Variants in PALB2 observed in about 807,000 individuals in gnomAD.
PALB2 encodes partner and localizer of BRCA2, also known as mutant partner and localizer of BRCA2.
In PALB2, 82 loss-of-function variants were observed where a neutral mutation model predicts 107.4. The observed-to-expected ratio is 0.76, with a 90% CI of 0.64 to 0.92. PALB2 has a LOEUF of 0.92. PALB2 is among the 40% of genes least tolerant of loss of function. The pLI, the probability that PALB2 is intolerant of heterozygous loss-of-function variation, is 0.00. For synonymous variants in PALB2, 489 were observed against 496.8 expected (o/e 0.98, Z 0.21); for missense variants, 1,374 against 1,379.9 (o/e 1.00, Z 0.07).
intron 12 of PALB2, among the ~76,000 whole-genome samples, 167 bp from the exon 13 acceptor site, chr16:23,603,836 C>T (rs1204792555): frequency 1.3e-5 from 2 of 152,120 alleles, no homozygotes; most frequent in Admixed American, 1.3e-4. Flanking sequence ...TATTGTGTTG[C>T]AGTTTTGGAC....
At chr16:23,607,529 C>T in intron 12 of PALB2, 1 of 347,268 alleles carries the variant, frequency 2.9e-6, no homozygotes, top group South Asian at 2.4e-5. Context: ...CTCCTGGGCT[C>T]AAGCTCTCCT....
chr16:23,609,142 T>C (rs555018587), intron 11 of PALB2, among the ~76,000 whole-genome samples: 2 of 152,286 alleles, frequency 1.3e-5, no homozygotes, highest in African/African-American at 4.8e-5. Flanking sequence ...TTGAATTTAT[T>C]AATGAAAATA....
chr16:23,640,608 A>G (rs754404888), intron 1 of PALB2: 11 of 233,838 alleles, frequency 4.7e-5, no homozygotes, highest in Non-Finnish European at 8.4e-5. Flanking sequence ...AGGTAGATAA[A>G]CATGTCCTGA....
intron 10 of PALB2, 60 bp from the exon 11 acceptor site, chr16:23,614,151 A>G (rs1966638795): frequency 4.9e-6 from 6 of 1,227,500 alleles, no homozygotes; most frequent in Non-Finnish European, 5.9e-6. Flanking sequence ...TTTTCAGAAA[A>G]TATTTTCTTA....
At chr16:23,640,586 A>C (rs2142476074) in intron 1 of PALB2, 1 of 232,800 alleles carries the variant, frequency 4.3e-6, no homozygotes, top group Non-Finnish European at 8.5e-6. Flanking sequence ...CTAGAACTTA[A>C]AAAAGAAAGC....
chr16:23,635,740 C>T lies in PALB2; in HGVS notation c.806G>A (p.Gly269Asp), dbSNP rs1431508303. 2 of 1,614,100 alleles carry T rather than the reference C, an allele frequency of 1.2e-6. No homozygotes were observed. Among genetic ancestry groups the T allele is most frequent in the Non-Finnish European group, 1.7e-6 (2 of 1,180,020 alleles). The change falls in exon 4 of 13, where the codon GGT (glycine) becomes GAT (aspartate). Residue 269 changes from glycine to aspartate, a missense_variant. Gly to Asp is a moderately conservative substitution (Grantham distance 94). Coordinates refer to ENST00000261584, the MANE Select transcript of PALB2 (RefSeq NM_024675.4). ...GTCGTGAGTAGTAAGTTCACTGCTA[C>T]CTTTAGGAGGAATGTGTTCAAGGTG... The part of the protein sequence containing the change: ...SQHLEHIPPK[G>D]SSELTTHDLK...
intron 11 of PALB2, among the ~76,000 whole-genome samples, chr16:23,610,542 C>T (rs976195797): frequency 2.0e-5 from 3 of 151,292 alleles, no homozygotes; most frequent in Admixed American, 6.6e-5. Flanking sequence ...CTCCTGACCT[C>T]GTGATCTGCC....
intron 4 of PALB2, 112 bp downstream of exon 4, chr16:23,634,750 C>T: frequency 1.4e-6 from 2 of 1,446,546 alleles, no homozygotes; most frequent in Non-Finnish European, 1.9e-6. Context: ...ACGTAAGCCA[C>T]CACACTTGGC....
intron 4 of PALB2, among the ~76,000 whole-genome samples, chr16:23,632,733 G>A (rs571377741): frequency 2.6e-5 from 4 of 152,272 alleles, no homozygotes; most frequent in East Asian, 1.9e-4. Flanking sequence ...ATTTTGTTAC[G>A]TGAATGTCAC....
chr16:23,631,670 A>T (rs540239103), intron 4 of PALB2, among the ~76,000 whole-genome samples: 1 of 152,152 alleles, frequency 6.6e-6, no homozygotes, highest in Non-Finnish European at 1.5e-5. Flanking sequence ...GATTTATTTC[A>T]TTTTCCCTTT....
Position 23,639,517 on chromosome 16 carries a change from G to GAAA in PALB2, c.49-1391_49-1389dup, listed in dbSNP as rs1186283940. ...TGGGCAACAGAGCGAGACTCTGCTT[G>GAAA]AAAAAAAAAAAAAAAAAAAAGGCCG... is the stretch of plus-strand genomic sequence containing the variant. On this transcript the variant is annotated intron_variant, in intron 1 of 12. Transcript: ENST00000261584. Among the ~76,000 whole-genome samples the GAAA allele has an allele frequency of 1.6e-3, 70 of 43,726 alleles. 3 individuals are homozygous for GAAA. The highest frequency in any genetic ancestry group is 0.014 in the Middle Eastern group (1 of 70). The allele number at this position is 43,726 out of a possible 152,430, so 28.7% of individuals were successfully genotyped here.
At chr16:23,629,110 T>C (rs1347008868) in intron 6 of PALB2, 94 bp downstream of exon 6, 2 of 972,396 alleles carry the variant, frequency 2.1e-6, no homozygotes, top group Admixed American at 3.5e-5. Context: ...TTAATAGTAT[T>C]AAAGAACAAG....
At position 23,629,194 on chromosome 16, in the gene PALB2, T is replaced by A. The variant is rs373321719; in HGVS notation, c.2586+10A>T. On this transcript the variant is annotated intron_variant, in intron 6 of 12. Coordinates refer to ENST00000261584, the MANE Select transcript of PALB2 (RefSeq NM_024675.4). Reference sequence around the variant, plus strand: ...AGACACGAGACACTGGAAGAGAATATTCTTCTGACCTTTAACTCTGAAACC... The same window carrying A: ...AGACACGAGACACTGGAAGAGAATAATCTTCTGACCTTTAACTCTGAAACC... 1 of 1,601,652 alleles carries A rather than the reference T, an allele frequency of 6.2e-7. No homozygotes were observed. The highest frequency in any genetic ancestry group is 1.1e-5 in the South Asian group (1 of 90,862).
At chr16:23,627,066 C>T (rs866354385) in intron 6 of PALB2, among the ~76,000 whole-genome samples, 41 of 152,092 alleles carry the variant, frequency 2.7e-4, no homozygotes, top group Non-Finnish European at 3.1e-4. Context: ...TGTTATTCCT[C>T]GGAGGGAGTA....
intron 1 of PALB2, 102 bp from the exon 2 acceptor site, chr16:23,638,231 T>C: frequency 2.3e-6 from 2 of 865,934 alleles, no homozygotes; most frequent in Non-Finnish European, 4.0e-6. Flanking sequence ...AGGCAGGGAG[T>C]AGCACTGGTC....
chr16:23,621,304 T>C (rs1966766475), intron 10 of PALB2, 58 bp downstream of exon 10: 2 of 1,092,012 alleles, frequency 1.8e-6, no homozygotes, highest in South Asian at 2.5e-5. Flanking sequence ...CCTGTAAAAT[T>C]AGAGGTATAT....
intron 1 of PALB2, chr16:23,640,559 A>C (rs940886787): frequency 4.3e-6 from 1 of 231,426 alleles, no homozygotes; most frequent in African/African-American, 2.2e-5. Context: ...GGGCACTTCC[A>C]AACTACAACA....
Position 23,623,221 on chromosome 16 carries a change from T to C in PALB2, c.2835-91A>G, listed in dbSNP as rs929891928. On this transcript the variant is annotated intron_variant, in intron 8 of 12. Transcript: ENST00000261584. ...TTCACTTTTTTTTTTTTTTTTTTTT[T>C]GAGACAGAGTCTTGCTCTGTCGCCT... 8 of 913,932 alleles carry C rather than the reference T, an allele frequency of 8.8e-6. No homozygotes were observed. In the South Asian group the frequency reaches 1.1e-4, roughly 13 times the overall value. 56.6% of individuals were successfully genotyped at this position (913,932 alleles called of 1,614,324 possible).
intron 3 of PALB2, 92 bp from the exon 4 acceptor site, chr16:23,636,426 T>A (rs1447183077): frequency 1.2e-6 from 1 of 814,102 alleles, no homozygotes; most frequent in Non-Finnish European, 1.9e-6. Flanking sequence ...TAAATACTAC[T>A]AAACATTTAT....
Sources: allele counts gnomAD v4.1 joint callset (sites outside exome capture counted in the v4.1 genomes callset), GRCh38; gene constraint gnomAD v4.1.1; transcripts MANE v1.5; gene names NCBI Gene and HGNC (gene_info 2026-07-23, HGNC 2026-07-21).